Variants in SYT10 observed in about 807,000 individuals in gnomAD.
SYT10 encodes the protein synaptotagmin 10.
A neutral mutation model predicts 51.1 loss-of-function variants in SYT10; 31 were observed. The observed-to-expected ratio is 0.61, with a 90% CI of 0.46 to 0.82. The LOEUF (loss-of-function observed/expected upper bound fraction) is 0.82. Ranked by LOEUF, SYT10 falls within the 40% of genes least tolerant of loss-of-function variation. The pLI is 0.00. For missense variants in SYT10, 603 were observed against 634.0 expected (o/e 0.95, Z 0.53); for synonymous variants, 233 against 225.9 (o/e 1.03, Z -0.28).
At chr12:33,377,165 A>G (rs1457656110) in intron 6 of SYT10, among the ~76,000 whole-genome samples, 2 of 152,156 alleles carry the variant, frequency 1.3e-5, no homozygotes, top group African/African-American at 2.4e-5. Context: ...ACAGCAGAAT[A>G]ATTTCAAATT....
intron 1 of SYT10, among the ~76,000 whole-genome samples, chr12:33,429,194 G>T (rs922180382): frequency 1.5e-4 from 23 of 152,178 alleles, no homozygotes; most frequent in African/African-American, 5.5e-4. Context: ...TCAAAGAATT[G>T]GATTGCTTCT....
chr12:33,389,113 AC>A (rs2138392606), intron 3 of SYT10, among the ~76,000 whole-genome samples: 1 of 152,324 alleles, frequency 6.6e-6, no homozygotes, highest in East Asian at 1.9e-4. Flanking sequence ...CTATGATTAT[AC>A]TCAGAAATAA....
At chr12:33,435,653 C>T (rs966307498) in intron 1 of SYT10, among the ~76,000 whole-genome samples, 3 of 151,904 alleles carry the variant, frequency 2.0e-5, no homozygotes, top group Non-Finnish European at 2.9e-5. Flanking sequence ...TGTGTAAAAC[C>T]CTGTTATGGT....
intron 2 of SYT10, among the ~76,000 whole-genome samples, chr12:33,412,127 C>T (rs926588920): frequency 7.9e-5 from 12 of 152,060 alleles, no homozygotes; most frequent in Admixed American, 7.9e-4. Context: ...TCATTTCACA[C>T]TCCCTTGTGC....
At chr12:33,393,346 A>ACTT (rs1319354076) in intron 3 of SYT10, among the ~76,000 whole-genome samples, 1 of 152,168 alleles carries the variant, frequency 6.6e-6, no homozygotes, top group Non-Finnish European at 1.5e-5. Flanking sequence ...AAAACCAGAG[A>ACTT]CTTATTCTCA....
At position 33,426,467 on chromosome 12, in the gene SYT10, A is replaced by G; in HGVS notation, c.180T>C (p.Val60=). The G allele has an allele frequency of 6.2e-7, 1 of 1,600,938 alleles. No homozygotes were observed. The highest frequency in any genetic ancestry group is 8.5e-7 in the Non-Finnish European group (1 of 1,175,476). The change falls in exon 2 of 7, where the codon GTT becomes GTC. Residue 60 remains valine, a synonymous_variant. Coordinates refer to ENST00000228567, the MANE Select transcript of SYT10 (RefSeq NM_198992.4). ...TDISVSLLAV[V]VSFCGLALLV... ...ACAAGGCCAGTCCACAAAAGCTGAC[A>G]ACGACAGCTAACAGGCTGACTGAAA...
At chr12:33,415,465 C>G (rs1866444898) in intron 2 of SYT10, among the ~76,000 whole-genome samples, 1 of 152,148 alleles carries the variant, frequency 6.6e-6, no homozygotes, top group Non-Finnish European at 1.5e-5. Context: ...ATCTCAGCAT[C>G]TAATGGGAAA....
chr12:33,385,215 A>G lies in SYT10; in HGVS notation c.1154T>C (p.Ile385Thr). 1.2e-6 allele frequency: 2 copies of G among 1,613,748 alleles called. No individual in the cohort carries two copies. The highest frequency in any genetic ancestry group is 1.7e-6 in the Non-Finnish European group (2 of 1,179,774). The change falls in exon 4 of 7, where the codon ATT becomes ACT. Residue 385 changes from isoleucine (I) to threonine (T), a missense_variant. Transcript: ENST00000228567. ...CATCGCCTTCAGATTTCTGCACTTA[A>G]TGACTGTCAATGTCATACGCCCAGC... ...PTAGRMTLTVIKCRNLKAMDI... is the reference protein window; with the variant it reads ...PTAGRMTLTVTKCRNLKAMDI...
chr12:33,422,901 C>G (rs1866517751), intron 2 of SYT10, among the ~76,000 whole-genome samples: 1 of 151,960 alleles, frequency 6.6e-6, no homozygotes, highest in East Asian at 1.9e-4. Flanking sequence ...TGTCACAGAT[C>G]CTTAGAGTTT....
intron 2 of SYT10, among the ~76,000 whole-genome samples, chr12:33,420,923 A>G (rs181618080): frequency 6.6e-6 from 1 of 152,286 alleles, no homozygotes; most frequent in Non-Finnish European, 1.5e-5. Context: ...AGGTCTTTCC[A>G]TTGATCTGGG....
At chr12:33,401,530 T>C (rs1866304579) in intron 3 of SYT10, among the ~76,000 whole-genome samples, 1 of 152,182 alleles carries the variant, frequency 6.6e-6, no homozygotes, top group Non-Finnish European at 1.5e-5. Context: ...TCATATATAA[T>C]TTATTATTAA....
intron 5 of SYT10, among the ~76,000 whole-genome samples, chr12:33,380,930 T>C (rs892076481): frequency 1.3e-5 from 2 of 152,174 alleles, no homozygotes; most frequent in African/African-American, 4.8e-5. Flanking sequence ...ATCATTGATG[T>C]AGATATGTAT....
intron 4 of SYT10, among the ~76,000 whole-genome samples, chr12:33,383,121 A>G (rs1866129958): frequency 6.6e-6 from 1 of 152,128 alleles, no homozygotes; most frequent in South Asian, 2.1e-4. Flanking sequence ...TACCCTTACC[A>G]TCTTAAATTG....
intron 3 of SYT10, among the ~76,000 whole-genome samples, chr12:33,403,579 CTT>C (rs1565494573): frequency 6.6e-6 from 1 of 152,086 alleles, no homozygotes; most frequent in African/African-American, 2.4e-5. Flanking sequence ...TACATAAACT[CTT>C]TTATGTCTGT....
Position 33,439,475 on chromosome 12 carries a change from A to C in SYT10, c.48T>G (p.Ala16=). ...EDGVNSLCQK[A]LHIVTELCFA... is the part of the protein sequence containing the mutation. ...AGCACAGCTCGGTGACGATGTGCAG[A>C]GCCTTCTGGCACAGACTGTTCACTC... The change falls in exon 1 of 7, where the codon GCT becomes GCG. Residue 16 remains alanine, a synonymous_variant. Transcript: ENST00000228567. 1 of 1,614,202 alleles carries C rather than the reference A, an allele frequency of 6.2e-7. No individual in the cohort carries two copies. Among genetic ancestry groups the C allele is most frequent in the East Asian group, 2.2e-5 (1 of 44,870 alleles).
At chr12:33,420,523 G>A (rs1246322848) in intron 2 of SYT10, among the ~76,000 whole-genome samples, 13 of 151,936 alleles carry the variant, frequency 8.6e-5, no homozygotes, top group African/African-American at 2.7e-4. Flanking sequence ...CTGGTGGTGC[G>A]TGCCTGTAGT....
rs149909823 is a variant in SYT10, at chr12:33,426,178, G to T, written c.469C>A (p.Arg157Ser). 2 of 1,611,220 alleles carry T rather than the reference G, an allele frequency of 1.2e-6. No homozygotes were observed. The highest frequency in any genetic ancestry group is 2.2e-5 in the South Asian group (2 of 90,496). ...GGCTCAGTAATTTGTCTTTGCACAC[G>T]TGCATGTTTAATTAAATGTTCTTTT... The part of the protein sequence containing the change: ...ALKEHLIKHA[R>S]VQRQITEPTS... Residue 157 changes from arginine (R) to serine (S), a missense_variant, in exon 2 of 7, where the codon CGT becomes AGT. Physicochemically the swap from Arg to Ser is moderately radical, Grantham distance 110 (BLOSUM62 -1). Transcript: ENST00000228567.
chr12:33,437,309 A>G (rs1866646262), intron 1 of SYT10, among the ~76,000 whole-genome samples: 1 of 152,146 alleles, frequency 6.6e-6, no homozygotes, highest in Non-Finnish European at 1.5e-5. Flanking sequence ...TCTTAAGGGG[A>G]GGAAAATATT....
chr12:33,430,630 T>A (rs1866589371), intron 1 of SYT10, among the ~76,000 whole-genome samples: 1 of 152,126 alleles, frequency 6.6e-6, no homozygotes, highest in South Asian at 2.1e-4. Flanking sequence ...TCATTTTTAA[T>A]TTTTCAAAAT....
Sources: allele counts gnomAD v4.1 joint callset (sites outside exome capture counted in the v4.1 genomes callset), GRCh38; gene constraint gnomAD v4.1.1; transcripts MANE v1.5; gene names NCBI Gene and HGNC (gene_info 2026-07-23, HGNC 2026-07-21).